Variants in COL5A3 observed in about 807,000 individuals in gnomAD.
COL5A3 encodes the protein collagen type V alpha 3 chain.
COL5A3 carries 172 observed loss-of-function variants against 250.0 expected under a neutral mutation model. That is an observed-to-expected ratio of 0.69 (90% CI 0.61 to 0.78). The LOEUF is 0.78. COL5A3 is among the 30% of genes least tolerant of loss of function. The probability of loss-of-function intolerance (pLI) is 0.00; values close to 1 mark genes in which losing one functional copy is unlikely to be tolerated. For synonymous variants in COL5A3, 937 were observed against 900.4 expected, an observed-to-expected ratio of 1.04 and a Z score of -0.73; for missense variants, 2,340 against 2,334.4, an observed-to-expected ratio of 1.00 and a Z score of -0.05.
intron 61 of COL5A3, 148 bp from the exon 62 acceptor site, chr19:9,967,548 C>G: frequency 1.6e-6 from 1 of 638,816 alleles, no homozygotes. Flanking sequence ...CACACTCACA[C>G]ACACACATAC....
At position 9,969,575 on chromosome 19, in the gene COL5A3, C is replaced by A; in HGVS notation, c.4098G>T (p.Val1366=). The A allele has an allele frequency of 6.2e-7, 1 of 1,611,230 alleles. No individual in the cohort carries two copies. The highest frequency in any genetic ancestry group is 1.1e-5 in the South Asian group (1 of 90,906). The change falls in exon 56 of 67, where the codon GTG becomes GTT. Residue 1366 remains valine, a splice_region_variant and synonymous_variant. Coordinates refer to ENST00000264828, the MANE Select transcript of COL5A3 (RefSeq NM_015719.4). ...PEGLRGIPGP[V]GEPGLLGAPG... Reference sequence around the variant, plus strand: ...CCCACCCCTGCCCCGCTCCACTCACCACAGGGCCAGGGATCCCTCGAAGAC... The same window carrying A: ...CCCACCCCTGCCCCGCTCCACTCACAACAGGGCCAGGGATCCCTCGAAGAC...
chr19:9,970,781 A>T (rs1303191082), intron 53 of COL5A3, 106 bp from the exon 54 acceptor site: 2 of 1,070,570 alleles, frequency 1.9e-6, no homozygotes. Context: ...GCCTCACCCC[A>T]GCACCGGGTA....
At chr19:9,984,942 ATTTTTTTTT>A (rs71188874) in intron 31 of COL5A3, among the ~76,000 whole-genome samples, 9 of 83,000 alleles carry the variant, frequency 1.1e-4, no homozygotes, top group Non-Finnish European at 1.4e-4. Context: ...CATCTGGCTA[ATTTTTTTTT>A]TTTTTTTTTT....
chr19:9,998,350 G>C lies in COL5A3; in HGVS notation c.1111-201C>G, dbSNP rs143735028. 1.5e-4 allele frequency among the ~76,000 whole-genome samples: 23 copies of C among 152,244 alleles called. No homozygotes were observed. In the East Asian group the frequency reaches 4.2e-3, roughly 28 times the overall value. On this transcript the variant is annotated intron_variant, in intron 8 of 66. Transcript: ENST00000264828. ...CATCCACCGGGCAATGCCATGCCAA[G>C]GTGAATGAAGAGCGTGAAATCCAGA...
chr19:10,004,684 C>A (rs184709105), intron 4 of COL5A3, among the ~76,000 whole-genome samples: 1 of 152,172 alleles, frequency 6.6e-6, no homozygotes, highest in Non-Finnish European at 1.5e-5. Context: ...AGAGCTGGTA[C>A]TGGGGATAAG....
intron 11 of COL5A3, chr19:9,997,060 A>G: frequency 1.9e-6 from 1 of 539,912 alleles, no homozygotes. Context: ...GGACGGAGGG[A>G]GAGGGACAGA....
At chr19:10,005,514 C>T (rs370086447) in intron 4 of COL5A3, 44 bp downstream of exon 4, 17 of 1,595,132 alleles carry the variant, frequency 1.1e-5, no homozygotes, top group African/African-American at 1.3e-5. Context: ...GTAGACAAAA[C>T]ATCCCACCCT....
In COL5A3 at chr19:9,972,344, C is replaced by T. The variant is rs369737328; in HGVS notation, c.3774+575G>A. The stretch of plus-strand genomic sequence containing the variant: ...ATTCACTCACTCGTTCATCCATTCA[C>T]TCATTTATTCATCCATTTATTCATT... On this transcript the variant is annotated intron_variant, in intron 51 of 66. Transcript: ENST00000264828. 1.2e-4 allele frequency among the ~76,000 whole-genome samples: 16 copies of T among 131,978 alleles called. No homozygotes were observed. The East Asian group carries it at 2.3e-3, about 19-fold the overall frequency. 86.6% of individuals were successfully genotyped at this position (131,978 alleles called of 152,430 possible). A position where few individuals can be genotyped will look rare whatever the true frequency, so the allele number is the denominator to read the frequency against.
At chr19:9,983,401 G>A (rs1439234822) in intron 31 of COL5A3, among the ~76,000 whole-genome samples, 2 of 151,852 alleles carry the variant, frequency 1.3e-5, no homozygotes, top group African/African-American at 4.8e-5. Flanking sequence ...AGGAGGCTGA[G>A]GCAGGAGGAC....
At chr19:9,992,165 G>T (rs376149398) in intron 21 of COL5A3, 117 bp from the exon 22 acceptor site, 3 of 852,092 alleles carry the variant, frequency 3.5e-6, no homozygotes, top group Non-Finnish European at 5.7e-6. Flanking sequence ...GCTCATGCTT[G>T]TAATCCCAGC....
rs1303436881 is a variant in COL5A3, at chr19:10,005,420, GC to G, written c.594+137del. 35 of 820,896 alleles carry G rather than the reference GC, an allele frequency of 4.3e-5. No individual in the cohort carries two copies. The African/African-American group carries it at 5.3e-4, about 13-fold the overall frequency. 50.9% of individuals were successfully genotyped at this position (820,896 alleles called of 1,614,324 possible). A position where few individuals can be genotyped will look rare whatever the true frequency, so the allele number is the denominator to read the frequency against. ...TCACAGGCTGCAACGGTGCACGAAA[GC>G]ATGAACTCGCTTCCCTTAGCTTCCT... On this transcript the variant is annotated intron_variant, in intron 4 of 66. Coordinates refer to ENST00000264828, the MANE Select transcript of COL5A3 (RefSeq NM_015719.4).
At chr19:10,003,158 G>A (rs2087388614) in intron 6 of COL5A3, among the ~76,000 whole-genome samples, 1 of 152,060 alleles carries the variant, frequency 6.6e-6, no homozygotes, top group African/African-American at 2.4e-5. Flanking sequence ...CCCCAAGCAG[G>A]GAACCCCAAA....
chr19:9,978,632 A>T lies in COL5A3; in HGVS notation c.2965-5T>A. On this transcript the variant is annotated splice_region_variant and splice_polypyrimidine_tract_variant and intron_variant, in intron 40 of 66. Transcript: ENST00000264828. Reference sequence around the variant, plus strand: ...ACCCTTTAAGCCAGTAGGTCCCTGAAGGAGGAGATAATTCACAGTTAAGAG... The same window carrying T: ...ACCCTTTAAGCCAGTAGGTCCCTGATGGAGGAGATAATTCACAGTTAAGAG... 1 of 1,552,882 alleles carries T rather than the reference A, an allele frequency of 6.4e-7. No individual in the cohort carries two copies. The highest frequency in any genetic ancestry group is 1.2e-5 in the South Asian group (1 of 83,208).
chr19:10,009,303 C>T lies in COL5A3; in HGVS notation c.88+995G>A, dbSNP rs565643249. Among the ~76,000 whole-genome samples, 6 of 152,092 alleles carry T rather than the reference C, an allele frequency of 3.9e-5. No homozygotes were observed. The highest frequency in any genetic ancestry group is 1.2e-4 in the African/African-American group (5 of 41,486). ...CCCATCTCCAACACTTGAGAAGCTA[C>T]GCCATCCCCTGACTCCCGAAGCGCC... On this transcript the variant is annotated intron_variant, in intron 1 of 66. Transcript: ENST00000264828. The surrounding 1 kb of genome is among the most constrained non-coding windows in gnomAD (Gnocchi z 4.4).
rs1456666544 is a variant in COL5A3, at chr19:9,971,250, C to T, written c.3783G>A (p.Thr1261=). The T allele has an allele frequency of 1.3e-6, 2 of 1,564,848 alleles. No homozygotes were observed. The highest frequency in any genetic ancestry group is 1.2e-5 in the South Asian group (1 of 82,222). ...GGGGCCCTAGATCTCCGGGCAGCCC[C>T]GTGGGGCCCTGGAACACAGAATGAT... is the stretch of plus-strand genomic sequence containing the variant. ...EDGAKGSVGP[T]GLPGDLGPPG... Residue 1261 remains threonine, a synonymous_variant, in exon 52 of 67, where the codon ACG becomes ACA. Transcript: ENST00000264828.
In COL5A3 at chr19:9,996,707, G is replaced by A; in HGVS notation, c.1264-18C>T. The A allele has an allele frequency of 6.3e-7, 1 of 1,588,682 alleles. No individual in the cohort carries two copies. The highest frequency in any genetic ancestry group is 8.5e-7 in the Non-Finnish European group (1 of 1,170,846). On this transcript the variant is annotated intron_variant, in intron 11 of 66. Coordinates refer to ENST00000264828, the MANE Select transcript of COL5A3 (RefSeq NM_015719.4). ...GCAGGGCCCTGAGAGAGGGATGGGG[G>A]AAGAGAGGTGGAGACAGGGAGAGAG...
chr19:9,984,389 T>C (rs1404410146), intron 31 of COL5A3, among the ~76,000 whole-genome samples: 1 of 152,202 alleles, frequency 6.6e-6, no homozygotes, highest in African/African-American at 2.4e-5. Flanking sequence ...AATATGGGAA[T>C]AGTTTAGGCA....
chr19:9,969,555 C>A lies in COL5A3; in HGVS notation c.4098+20G>T, dbSNP rs2086799206. 2 of 1,609,328 alleles carry A rather than the reference C, an allele frequency of 1.2e-6. No individual in the cohort carries two copies. Among genetic ancestry groups the A allele is most frequent in the East Asian group, 4.5e-5 (2 of 44,834 alleles). ...AGGAGCTGGATCCACCCTGTCCCAC[C>A]CCTGCCCCGCTCCACTCACCACAGG... On this transcript the variant is annotated intron_variant, in intron 56 of 66. Transcript: ENST00000264828.
At position 9,998,248 on chromosome 19, in the gene COL5A3, AC is replaced by A; in HGVS notation, c.1111-100del. The A allele has an allele frequency of 3.4e-6, 4 of 1,182,396 alleles. No homozygotes were observed. The South Asian group carries it at 4.3e-5, about 13-fold the overall frequency. The allele number at this position is 1,182,396 out of a possible 1,614,324, so 73.2% of individuals were successfully genotyped here. On this transcript the variant is annotated intron_variant, in intron 8 of 66. Coordinates refer to ENST00000264828, the MANE Select transcript of COL5A3 (RefSeq NM_015719.4). ...CACACACTTGCACACACACACACAC[AC>A]ACACACACGGAGTCCACCCTCAGAG...
Sources: gnomAD v4.1 joint callset for allele counts (sites outside exome capture counted in the v4.1 genomes callset) on GRCh38, gnomAD v4.1.1 for gene constraint, Gnocchi (gnomAD v3.1) non-coding constraint, MANE v1.5 for transcripts, NCBI Gene and HGNC (gene_info 2026-07-23, HGNC 2026-07-21) for gene names.